SNX29: variants seen among roughly 807,000 people sequenced by gnomAD.
The protein encoded by SNX29 is sorting nexin-29.
In SNX29, 78 loss-of-function variants were observed where a neutral mutation model predicts 102.1. The observed-to-expected ratio is 0.76, with a 90% confidence interval of 0.64 to 0.92. The LOEUF is 0.92. Ranked by LOEUF, SNX29 falls within the 40% of genes least tolerant of loss-of-function variation. SNX29 has a pLI of 0.00. For synonymous variants in SNX29, 580 were observed against 414.5 expected (o/e 1.40, Z -4.85); for missense variants, 1,280 against 1,061.7 (o/e 1.21, Z -2.86).
chr16:12,031,706 G>T (rs2057349787), intron 4 of SNX29, among the ~76,000 whole-genome samples: 1 of 152,090 alleles, frequency 6.6e-6, no homozygotes, highest in South Asian at 2.1e-4. Context: ...TTGGGAGGCT[G>T]AGGCAGGAGA....
intron 20 of SNX29, among the ~76,000 whole-genome samples, chr16:12,560,055 A>G (rs1481604762): frequency 6.6e-6 from 1 of 152,130 alleles, no homozygotes; most frequent in East Asian, 1.9e-4. Flanking sequence ...AAAAATGACT[A>G]GAAAACTATG....
intron 20 of SNX29, among the ~76,000 whole-genome samples, chr16:12,540,187 T>G (rs1321225049): frequency 1.3e-5 from 2 of 152,218 alleles, no homozygotes; most frequent in Admixed American, 1.3e-4. Flanking sequence ...TGGACTTTTG[T>G]GTCAGGTCCA....
chr16:12,414,127 G>T (rs2084525294), intron 18 of SNX29, among the ~76,000 whole-genome samples: 2 of 152,226 alleles, frequency 1.3e-5, no homozygotes, highest in South Asian at 4.1e-4. Context: ...GTTCAGTAGA[G>T]ATGCACTTTT....
At chr16:12,013,542 T>TATATATAGAGAGAGAGAGAGAG (rs1382498593) in intron 3 of SNX29, among the ~76,000 whole-genome samples, 3 of 109,076 alleles carry the variant, frequency 2.8e-5, no homozygotes, top group African/African-American at 1.0e-4. Context: ...TATATATATA[T>TATATATAGAGAGAGAGAGAGAG]CGAGAGAGGA....
At chr16:12,555,785 G>A (rs1437935123) in intron 20 of SNX29, among the ~76,000 whole-genome samples, 1 of 151,622 alleles carries the variant, frequency 6.6e-6, no homozygotes, top group Non-Finnish European at 1.5e-5. Context: ...GTGGCACCAG[G>A]CAGGCACACT....
At chr16:12,164,274 T>A (rs2055915511) in intron 13 of SNX29, among the ~76,000 whole-genome samples, 1 of 152,146 alleles carries the variant, frequency 6.6e-6, no homozygotes, top group African/African-American at 2.4e-5. Flanking sequence ...AGGTACGAAA[T>A]AAGGCATTTG....
At chr16:12,130,943 T>C (rs2054439239) in intron 13 of SNX29, among the ~76,000 whole-genome samples, 1 of 152,208 alleles carries the variant, frequency 6.6e-6, no homozygotes. Context: ...TTGCTGCTAC[T>C]AATAATGCCA....
intron 20 of SNX29, among the ~76,000 whole-genome samples, chr16:12,559,677 G>C (rs563610056): frequency 6.6e-6 from 1 of 152,038 alleles, no homozygotes; most frequent in South Asian, 2.1e-4. Flanking sequence ...CATGGGCCTG[G>C]GGCAGTAACT....
rs113254907 is a variant in SNX29, at chr16:11,977,171, G to C, written c.7+358G>C. 2.7e-3 allele frequency: 754 copies of C among 278,190 alleles called. 9 individuals carry two copies. Among genetic ancestry groups the C allele is most frequent in the African/African-American group, 0.015 (690 of 45,334 alleles). The allele number at this position is 278,190 out of a possible 1,614,324, so 17.2% of individuals were successfully genotyped here. A position where few individuals can be genotyped will look rare whatever the true frequency, so the allele number is the denominator to read the frequency against. ...GTCTCTCCTAACTCCTAGACCCGCTGCGTCCCAGCTCCAGTTCCAGGTCCC... is the reference window on the plus strand; with the variant it reads ...GTCTCTCCTAACTCCTAGACCCGCTCCGTCCCAGCTCCAGTTCCAGGTCCC... On this transcript the variant is annotated intron_variant, in intron 1 of 20. Transcript: ENST00000566228.
chr16:12,517,844 G>A (rs76209904), intron 19 of SNX29, among the ~76,000 whole-genome samples: 4,790 of 152,234 alleles, frequency 0.031, 197 homozygotes, highest in East Asian at 0.21. Flanking sequence ...GTCCCGAGAG[G>A]TCTCTCGGAG....
intron 13 of SNX29, among the ~76,000 whole-genome samples, chr16:12,191,160 C>G (rs1311728556): frequency 6.6e-6 from 1 of 152,158 alleles, no homozygotes; most frequent in South Asian, 2.1e-4. Flanking sequence ...ATGCCCAGTT[C>G]ACAATAGGGT....
chr16:12,516,821 C>G (rs1567643929), intron 19 of SNX29, among the ~76,000 whole-genome samples: 2 of 152,192 alleles, frequency 1.3e-5, no homozygotes, highest in Non-Finnish European at 2.9e-5. Context: ...CAAAGACACA[C>G]TTGTCAGAAA....
intron 17 of SNX29, among the ~76,000 whole-genome samples, chr16:12,401,637 T>C (rs1268036011): frequency 6.6e-6 from 1 of 152,180 alleles, no homozygotes; most frequent in Non-Finnish European, 1.5e-5. Flanking sequence ...GTGCTGGGAT[T>C]ACAGGTGTGA....
At chr16:12,054,504 C>T (rs1281886126) in intron 8 of SNX29, among the ~76,000 whole-genome samples, 2 of 152,242 alleles carry the variant, frequency 1.3e-5, no homozygotes, top group Admixed American at 6.5e-5. Flanking sequence ...AAGGCCTGAA[C>T]AGAACAACAA....
At chr16:12,129,794 G>T in intron 13 of SNX29, 36 bp downstream of exon 13, 1 of 1,565,042 alleles carries the variant, frequency 6.4e-7, no homozygotes, top group Non-Finnish European at 8.7e-7. Flanking sequence ...GTAAGCACGT[G>T]GGGGCTTCAT....
At chr16:12,548,756 C>T (rs952351526) in intron 20 of SNX29, among the ~76,000 whole-genome samples, 89 of 152,284 alleles carry the variant, frequency 5.8e-4, no homozygotes, top group Admixed American at 5.8e-3. Context: ...CTGTGCTGAG[C>T]TCATCTCTCA....
intron 16 of SNX29, among the ~76,000 whole-genome samples, chr16:12,382,971 A>G (rs547666802): frequency 6.6e-6 from 1 of 152,062 alleles, no homozygotes; most frequent in African/African-American, 2.4e-5. Context: ...ACCTTTTTCC[A>G]CATTTACAAG....
intron 8 of SNX29, chr16:12,052,426 A>G (rs1433678074): frequency 2.0e-6 from 1 of 495,082 alleles, no homozygotes; most frequent in Non-Finnish European, 3.6e-6. Flanking sequence ...CATATTGGCC[A>G]GGCTGGTCTC....
chr16:12,525,020 C>T (rs1249873415), intron 20 of SNX29, among the ~76,000 whole-genome samples, 179 bp downstream of exon 20: 1 of 152,122 alleles, frequency 6.6e-6, no homozygotes, highest in Admixed American at 6.5e-5. Context: ...CGCTTTGGAG[C>T]TTCTAAAGGG....
Sources: gnomAD v4.1 joint callset for allele counts (sites outside exome capture counted in the v4.1 genomes callset) on GRCh38, gnomAD v4.1.1 for gene constraint, MANE v1.5 for transcripts, NCBI Gene and HGNC (gene_info 2026-07-23, HGNC 2026-07-21) for gene names.